The following HHAT variants were observed in gnomAD, a reference collection of about 807,000 sequenced individuals.
The protein encoded by HHAT is protein-cysteine N-palmitoyltransferase HHAT.
HHAT carries 47 observed loss-of-function variants against 70.8 expected under a neutral mutation model. The ratio of observed to expected loss-of-function variants is 0.66; its 90% CI spans 0.53 to 0.85. HHAT has a LOEUF of 0.85. Ranked by LOEUF, HHAT falls within the 40% of genes least tolerant of loss-of-function variation. The pLI, the probability that HHAT is intolerant of heterozygous loss-of-function variation, is 0.00. For synonymous variants in HHAT, 228 were observed against 247.6 expected (o/e 0.92, Z 0.74); for missense variants, 609 against 604.8 (o/e 1.01, Z -0.07).
intron 11 of HHAT, among the ~76,000 whole-genome samples, chr1:210,634,576 G>A (rs1220290964): frequency 2.0e-5 from 3 of 152,174 alleles, no homozygotes; most frequent in African/African-American, 7.2e-5. Context: ...CTGTGGAGCT[G>A]CGCTTTTTCT....
chr1:210,375,210 T>C (rs2090088590), intron 3 of HHAT, among the ~76,000 whole-genome samples: 1 of 152,198 alleles, frequency 6.6e-6, no homozygotes, highest in African/African-American at 2.4e-5. Context: ...GCTGCCTCTT[T>C]GATGGCCATA....
At position 210,336,287 on chromosome 1, in the gene HHAT, A is replaced by ATTTTTTTTT. The variant is rs541795412; in HGVS notation, c.-44+7198_-44+7206dup. ...AGGCATGCACCACTGTGCCTGGCTA[A>ATTTTTTTTT]TTTTTTTTTTTTTTTTTTTTTTTAG... On this transcript the variant is annotated intron_variant, in intron 1 of 11. Transcript: ENST00000261458. Among the ~76,000 whole-genome samples the ATTTTTTTTT allele has an allele frequency of 6.2e-3, 523 of 84,582 alleles. 42 individuals are homozygous for ATTTTTTTTT. The highest frequency in any genetic ancestry group is 0.02 in the African/African-American group (445 of 22,076). The allele number at this position is 84,582 out of a possible 152,430, so 55.5% of individuals were successfully genotyped here.
At chr1:210,602,846 A>G (rs892432247) in intron 10 of HHAT, among the ~76,000 whole-genome samples, 3 of 152,124 alleles carry the variant, frequency 2.0e-5, no homozygotes, top group Non-Finnish European at 4.4e-5. Context: ...GAAACACACT[A>G]TGCAATTCGC....
Position 210,433,930 on chromosome 1 carries a change from G to T in HHAT, c.856+15605G>T, listed in dbSNP as rs557230954. Among the ~76,000 whole-genome samples, 45 of 152,032 alleles carry T rather than the reference G, an allele frequency of 3.0e-4. 2 individuals carry two copies. Among genetic ancestry groups the T allele is most frequent in the African/African-American group, 1.1e-3 (44 of 41,308 alleles). On this transcript the variant is annotated intron_variant, in intron 7 of 11. Transcript: ENST00000261458. The stretch of plus-strand genomic sequence containing the variant: ...CCAGCGTTGTACCAGTCTACATGGG[G>T]TTACCTCTGCCCCCACTGTGGCTGG...
chr1:210,503,676 C>G (rs543876724), intron 8 of HHAT, among the ~76,000 whole-genome samples: 9 of 152,280 alleles, frequency 5.9e-5, no homozygotes, highest in African/African-American at 2.2e-4. Context: ...GTTATCCACA[C>G]CGGGTAGTGT....
At chr1:210,506,648 C>T (rs1336683907) in intron 8 of HHAT, among the ~76,000 whole-genome samples, 6 of 152,114 alleles carry the variant, frequency 3.9e-5, no homozygotes, top group Non-Finnish European at 8.8e-5. Context: ...TGATCACTAT[C>T]TTATTTCAGA....
rs568538306 is a variant in HHAT at position 210,364,412 on chromosome 1, A to G, written c.159+1493A>G. ...AACACTAGCGGATGTCTTACAGCAG[A>G]AAAAAAGATGATTTTTTTTTCCTTT... On this transcript the variant is annotated intron_variant, in intron 3 of 11. Transcript: ENST00000261458. 2.0e-5 allele frequency among the ~76,000 whole-genome samples: 3 copies of G among 152,272 alleles called. No individual in the cohort carries two copies. The South Asian group carries it at 6.2e-4, about 32-fold the overall frequency.
At chr1:210,403,948 TA>T (rs1277755153) in intron 5 of HHAT, among the ~76,000 whole-genome samples, 18 of 127,040 alleles carry the variant, frequency 1.4e-4, no homozygotes, top group African/African-American at 2.7e-4. Context: ...TTTTTTTTTT[TA>T]AATATTTGTC....
intron 8 of HHAT, among the ~76,000 whole-genome samples, chr1:210,486,261 G>C (rs532025411): frequency 6.6e-6 from 1 of 152,034 alleles, no homozygotes; most frequent in Admixed American, 6.6e-5. Flanking sequence ...TAAAAACAAA[G>C]TATTCTCACA....
chr1:210,532,714 A>G (rs953835947), intron 9 of HHAT, among the ~76,000 whole-genome samples: 1 of 152,206 alleles, frequency 6.6e-6, no homozygotes, highest in African/African-American at 2.4e-5. Flanking sequence ...TCTTAAGGCC[A>G]GTGATGAGAT....
chr1:210,623,509 T>C lies in HHAT; in HGVS notation c.1246-17T>C, dbSNP rs768820250. The stretch of plus-strand genomic sequence containing the variant: ...CCACCCTTGTCATGAGATGCTTTCT[T>C]GCCATTTTTCCCGTAGGCCCGATAC... On this transcript the variant is annotated splice_polypyrimidine_tract_variant and intron_variant, in intron 10 of 11. Transcript: ENST00000261458. 9 of 1,613,658 alleles carry C rather than the reference T, an allele frequency of 5.6e-6. No homozygotes were observed. Among genetic ancestry groups the C allele is most frequent in the Admixed American group, 3.3e-5 (2 of 59,958 alleles).
At chr1:210,464,007 A>G (rs1192041588) in intron 7 of HHAT, among the ~76,000 whole-genome samples, 1 of 152,234 alleles carries the variant, frequency 6.6e-6, no homozygotes, top group African/African-American at 2.4e-5. Context: ...ATCAGGGTAA[A>G]TAGGGTATCT....
In HHAT at chr1:210,340,242, G is replaced by GGGGAA. The variant is rs1553313987; in HGVS notation, c.-43-8691_-43-8690insGGGAA. 4.3e-3 allele frequency among the ~76,000 whole-genome samples: 428 copies of GGGGAA among 99,732 alleles called. 31 individuals are homozygous for GGGGAA. Among genetic ancestry groups the GGGGAA allele is most frequent in the Middle Eastern group, 0.017 (3 of 180 alleles). 65.4% of individuals were successfully genotyped at this position (99,732 alleles called of 152,430 possible). A position where few individuals can be genotyped will look rare whatever the true frequency, so the allele number is the denominator to read the frequency against. On this transcript the variant is annotated intron_variant, in intron 1 of 11. Coordinates refer to ENST00000261458, the MANE Select transcript of HHAT (RefSeq NM_018194.6). ...GGGGATAGAGCAAGACTCTGTCTCA[G>GGGGAA]AAAAAAAAAAAAAAAAAAAAAAAAA...
chr1:210,665,479 T>C (rs765300749), intron 11 of HHAT, among the ~76,000 whole-genome samples: 1 of 152,144 alleles, frequency 6.6e-6, no homozygotes, highest in Non-Finnish European at 1.5e-5. Flanking sequence ...AGAGCCAAGC[T>C]GGGAAGGTCA....
intron 9 of HHAT, among the ~76,000 whole-genome samples, chr1:210,579,566 C>G (rs1292046947): frequency 1.3e-5 from 2 of 152,174 alleles, no homozygotes; most frequent in African/African-American, 4.8e-5. Context: ...CTGATCTTCA[C>G]AGCACCTCAT....
In HHAT at chr1:210,329,494, T is replaced by A. The variant is rs1228269802; in HGVS notation, c.-44+390T>A. 53 of 1,008,756 alleles carry A rather than the reference T, an allele frequency of 5.3e-5. 1 individual carries two copies. The highest frequency in any genetic ancestry group is 1.4e-5 in the Non-Finnish European group (12 of 845,516). 62.5% of individuals were successfully genotyped at this position (1,008,756 alleles called of 1,614,324 possible). ...TCCAGGGACTCTAAAGTTAGAGACTTCCTTTGCGTTCTATCTTCAGGACTC... is the reference window on the plus strand; with the variant it reads ...TCCAGGGACTCTAAAGTTAGAGACTACCTTTGCGTTCTATCTTCAGGACTC... On this transcript the variant is annotated intron_variant, in intron 1 of 11. Coordinates refer to ENST00000261458, the MANE Select transcript of HHAT (RefSeq NM_018194.6).
chr1:210,615,794 G>T (rs1288247642), intron 10 of HHAT, among the ~76,000 whole-genome samples: 1 of 152,232 alleles, frequency 6.6e-6, no homozygotes, highest in Non-Finnish European at 1.5e-5. Flanking sequence ...TCGTTCCTCT[G>T]GAGGTTTCGT....
chr1:210,675,245 C>T lies in HHAT; in HGVS notation c.*866C>T, dbSNP rs1020942753. The T allele has an allele frequency of 3.3e-5, 5 of 152,160 alleles. No individual in the cohort carries two copies. Among genetic ancestry groups the T allele is most frequent in the African/African-American group, 7.2e-5 (3 of 41,432 alleles). 9.4% of individuals were successfully genotyped at this position (152,160 alleles called of 1,614,324 possible). On this transcript the variant is annotated 3_prime_UTR_variant, in exon 12 of 12. Coordinates refer to ENST00000261458, the MANE Select transcript of HHAT (RefSeq NM_018194.6). ...AGTCATCCTCCTACTCAGTGATTCACGTTTAGTGGTTTATATTATTAAGGT... is the reference window on the plus strand; with the variant it reads ...AGTCATCCTCCTACTCAGTGATTCATGTTTAGTGGTTTATATTATTAAGGT...
At position 210,655,253 on chromosome 1, in the gene HHAT, G is replaced by C. The variant is rs143927620; in HGVS notation, c.1391-19035G>C. Among the ~76,000 whole-genome samples, 600 of 152,306 alleles carry C rather than the reference G, an allele frequency of 3.9e-3. 4 individuals carry two copies. Among genetic ancestry groups the C allele is most frequent in the African/African-American group, 0.014 (572 of 41,574 alleles). On this transcript the variant is annotated intron_variant, in intron 11 of 11. Transcript: ENST00000261458. ...GCCACTCCAGCTGCCTGAACAGAAA[G>C]CATGGAGGAGGCAGGGAGGGTGCTA... is the stretch of plus-strand genomic sequence containing the variant.
Sources: allele counts gnomAD v4.1 joint callset (sites outside exome capture counted in the v4.1 genomes callset), GRCh38; gene constraint gnomAD v4.1.1; transcripts MANE v1.5; gene names NCBI Gene and HGNC (gene_info 2026-07-23, HGNC 2026-07-21).